The following TBC1D5 variants were observed in gnomAD, a reference collection of about 807,000 sequenced individuals.
TBC1D5 encodes TBC1 domain family member 5.
Under a neutral mutation model 100.3 loss-of-function variants are expected in TBC1D5, and 75 were observed. The observed-to-expected ratio is 0.75, with a 90% CI of 0.62 to 0.91. The LOEUF (loss-of-function observed/expected upper bound fraction) is 0.91. Among genes scored for constraint, TBC1D5 ranks in the 40% least tolerant of loss-of-function variants. The pLI is 0.00. For synonymous variants in TBC1D5, 323 were observed against 325.6 expected (o/e 0.99, Z 0.09); for missense variants, 910 against 942.4 (o/e 0.97, Z 0.45).
intron 2 of TBC1D5, among the ~76,000 whole-genome samples, chr3:17,592,381 T>G (rs1378535487): frequency 6.6e-6 from 1 of 152,198 alleles, no homozygotes; most frequent in Non-Finnish European, 1.5e-5. Context: ...GAAGTAAATG[T>G]GACTAAAATT....
chr3:17,261,061 C>G (rs2078236693), intron 15 of TBC1D5, among the ~76,000 whole-genome samples: 1 of 152,138 alleles, frequency 6.6e-6, no homozygotes, highest in African/African-American at 2.4e-5. Flanking sequence ...CACCCGTACA[C>G]CACTACATGG....
intron 18 of TBC1D5, among the ~76,000 whole-genome samples, chr3:17,189,770 G>A (rs1575832580): frequency 6.6e-6 from 1 of 152,208 alleles, no homozygotes; most frequent in East Asian, 1.9e-4. Flanking sequence ...CCATTACCAT[G>A]GTCCTTCCCA....
intron 2 of TBC1D5, among the ~76,000 whole-genome samples, chr3:17,571,353 C>A (rs1428202547): frequency 6.6e-6 from 1 of 151,864 alleles, no homozygotes; most frequent in South Asian, 2.1e-4. Flanking sequence ...TCAATTCACA[C>A]GATTGGATTT....
chr3:17,618,542 T>A (rs2062379685), intron 2 of TBC1D5, among the ~76,000 whole-genome samples: 1 of 152,276 alleles, frequency 6.6e-6, no homozygotes. Flanking sequence ...CTTGCTGAGC[T>A]GCACTGGGCT....
chr3:17,276,432 G>T lies in TBC1D5; in HGVS notation c.1245+15463C>A, dbSNP rs1024822031. ...AATGGGATCAACATGGGGGCATGAG[G>T]ATGGATGTCAGTCTTGTAGCTGCTC... On this transcript the variant is annotated intron_variant, in intron 15 of 21. Transcript: ENST00000253692. Among the ~76,000 whole-genome samples the T allele has an allele frequency of 1.6e-4, 25 of 152,192 alleles. 1 individual carries two copies. Among genetic ancestry groups the T allele is most frequent in the Admixed American group, 1.5e-3 (23 of 15,290 alleles).
intron 2 of TBC1D5, among the ~76,000 whole-genome samples, chr3:17,565,309 T>C (rs556724474): frequency 2.6e-5 from 4 of 152,302 alleles, no homozygotes; most frequent in African/African-American, 7.2e-5. Flanking sequence ...CAGTTAATTA[T>C]GTTCGTTGAA....
intron 13 of TBC1D5, among the ~76,000 whole-genome samples, chr3:17,309,585 G>A (rs1445107474): frequency 1.3e-5 from 2 of 151,560 alleles, no homozygotes; most frequent in Non-Finnish European, 2.9e-5. Flanking sequence ...AAAATGAGGG[G>A]TGATTAACAC....
At chr3:17,673,635 A>T (rs1280495126) in intron 1 of TBC1D5, among the ~76,000 whole-genome samples, 1 of 152,018 alleles carries the variant, frequency 6.6e-6, no homozygotes, top group African/African-American at 2.4e-5. Context: ...AAAATTTTTA[A>T]AATCTAAGCC....
intron 1 of TBC1D5, among the ~76,000 whole-genome samples, chr3:17,636,503 G>T (rs1487316003): frequency 3.9e-5 from 6 of 151,914 alleles, no homozygotes; most frequent in Non-Finnish European, 1.5e-5. Flanking sequence ...ATAATTAAAA[G>T]AATATAGGCT....
intron 15 of TBC1D5, among the ~76,000 whole-genome samples, chr3:17,284,867 A>G (rs1341940273): frequency 2.6e-5 from 4 of 152,240 alleles, no homozygotes; most frequent in Non-Finnish European, 5.9e-5. Flanking sequence ...CTAATTAGTC[A>G]CTAAATACCT....
exon 18 of TBC1D5, chr3:17,214,298 G>A (rs1425216823): frequency 6.2e-7 from 1 of 1,613,340 alleles, no homozygotes; most frequent in Non-Finnish European, 8.5e-7. Flanking sequence ...TGAAGGTGGA[G>A]AGCCAGTGAA....
chr3:17,186,880 C>T (rs1423867399), intron 18 of TBC1D5, among the ~76,000 whole-genome samples: 2 of 151,994 alleles, frequency 1.3e-5, no homozygotes, highest in South Asian at 2.1e-4. Context: ...AGCCTCTCCT[C>T]CAATACTCAA....
chr3:17,338,096 G>T (rs1412061451), intron 13 of TBC1D5, among the ~76,000 whole-genome samples: 1 of 152,172 alleles, frequency 6.6e-6, no homozygotes. Context: ...ATAACACGGT[G>T]ATTTTAAATT....
At chr3:17,554,246 C>T (rs1302842051) in intron 2 of TBC1D5, among the ~76,000 whole-genome samples, 1 of 152,172 alleles carries the variant, frequency 6.6e-6, no homozygotes, top group Non-Finnish European at 1.5e-5. Context: ...CCATTACTTA[C>T]CATTTCACTA....
intron 2 of TBC1D5, among the ~76,000 whole-genome samples, chr3:17,567,748 T>G (rs2096602233): frequency 6.6e-6 from 1 of 151,738 alleles, no homozygotes. Flanking sequence ...AAATATAAAA[T>G]GTATATACAG....
At chr3:17,637,323 T>C (rs2064056115) in intron 1 of TBC1D5, among the ~76,000 whole-genome samples, 1 of 149,752 alleles carries the variant, frequency 6.7e-6, no homozygotes, top group Non-Finnish European at 1.5e-5. Context: ...ATTACAGGCG[T>C]GAGCCACCAC....
At chr3:17,519,010 G>A (rs946104207) in intron 2 of TBC1D5, 2 of 152,292 alleles carry the variant, frequency 1.3e-5, no homozygotes, top group African/African-American at 4.8e-5. Flanking sequence ...AAGGAGTTGA[G>A]AGCAGAGGGC....
intron 1 of TBC1D5, among the ~76,000 whole-genome samples, chr3:17,729,016 T>TAAAAAAAAAAAA (rs34461809): frequency 7.4e-4 from 22 of 29,540 alleles, no homozygotes; most frequent in South Asian, 1.2e-3. Context: ...TGAAAATCAG[T>TAAAAAAAAAAAA]AAAAAAAAAA....
intron 3 of TBC1D5, among the ~76,000 whole-genome samples, chr3:17,428,921 A>T (rs2094396063): frequency 6.6e-6 from 1 of 151,976 alleles, no homozygotes; most frequent in South Asian, 2.1e-4. Flanking sequence ...GACCTGGATG[A>T]TTTTCCAGGT....
Sources: allele counts gnomAD v4.1 joint callset (sites outside exome capture counted in the v4.1 genomes callset), GRCh38; gene constraint gnomAD v4.1.1; transcripts MANE v1.5; gene names NCBI Gene and HGNC (gene_info 2026-07-23, HGNC 2026-07-21).